The following ZNF549 variants were observed in gnomAD, a reference collection of about 807,000 sequenced individuals.
ZNF549 encodes zinc finger protein 549.
A neutral mutation model predicts 11.1 loss-of-function variants in ZNF549; 11 were observed. The ratio of observed to expected loss-of-function variants is 0.99; its 90% CI spans 0.62 to 1.64. The LOEUF (loss-of-function observed/expected upper bound fraction) is 1.64. Ranked by LOEUF, ZNF549 falls within the 40% of genes most tolerant of loss-of-function variation. The pLI is 0.00. For synonymous variants in ZNF549, 266 were observed against 269.1 expected (o/e 0.99, Z 0.11); for missense variants, 748 against 765.1 (o/e 0.98, Z 0.26).
Position 57,527,488 on chromosome 19 carries a change from C to T in ZNF549, c.-86C>T. ...GGAGCTTGCCTGGTCTCGGTCTGAGCGTCGCCCAGCGATTTGCCACCGCAC... is the reference window on the plus strand; with the variant it reads ...GGAGCTTGCCTGGTCTCGGTCTGAGTGTCGCCCAGCGATTTGCCACCGCAC... On this transcript the variant is annotated 5_prime_UTR_variant, in exon 1 of 4. Transcript: ENST00000376233. 1 of 1,571,764 alleles carries T rather than the reference C, an allele frequency of 6.4e-7. No homozygotes were observed. Among genetic ancestry groups the T allele is most frequent in the Admixed American group, 1.7e-5 (1 of 58,478 alleles).
At position 57,539,094 on chromosome 19, in the gene ZNF549, C is replaced by CT. The variant is rs767208890; in HGVS notation, c.*170dup. The CT allele has an allele frequency of 1.4e-6, 1 of 722,240 alleles. No homozygotes were observed. Among genetic ancestry groups the CT allele is most frequent in the Non-Finnish European group, 2.2e-6 (1 of 451,152 alleles). The allele number at this position is 722,240 out of a possible 1,614,324, so 44.7% of individuals were successfully genotyped here. On this transcript the variant is annotated 3_prime_UTR_variant, in exon 4 of 4. Transcript: ENST00000376233. ...GGAAGCTTTCTAGAGATTACTTGTA[C>CT]TTTCTAATCTGCCCAGTGTTACAAC...
At chr19:57,536,948 T>G (rs754943896) in intron 3 of ZNF549, among the ~76,000 whole-genome samples, 1 of 152,048 alleles carries the variant, frequency 6.6e-6, no homozygotes, top group Non-Finnish European at 1.5e-5. Flanking sequence ...AAAAAAAAAT[T>G]AGCCAGGTAT....
intron 3 of ZNF549, chr19:57,535,536 C>A (rs1257162987): frequency 1.5e-5 from 7 of 462,558 alleles, no homozygotes; most frequent in Non-Finnish European, 2.7e-5. Context: ...CCACTCCTTG[C>A]TAAGGTGACT....
Position 57,531,125 on chromosome 19 carries a change from C to T in ZNF549, c.72+17C>T. 1.3e-6 allele frequency: 2 copies of T among 1,598,172 alleles called. No homozygotes were observed. The highest frequency in any genetic ancestry group is 1.7e-6 in the Non-Finnish European group (2 of 1,179,642). On this transcript the variant is annotated intron_variant, in intron 2 of 3. Coordinates refer to ENST00000376233, the MANE Select transcript of ZNF549 (RefSeq NM_001199295.2). ...CCATCACAGGTAAGTGGAAGAAGTC[C>T]CAGGTCTTCACTGGCCCTGTTCCCT...
In ZNF549 at chr19:57,538,956, T is replaced by C. The variant is rs769048830; in HGVS notation, c.*29T>C. On this transcript the variant is annotated 3_prime_UTR_variant, in exon 4 of 4. Transcript: ENST00000376233. ...TTGTTGGGATGTGTAATTGTCTTAT[T>C]CACTGTAGGACACCAGAGAGCTGAT... 11 of 1,574,494 alleles carry C rather than the reference T, an allele frequency of 7.0e-6. No individual in the cohort carries two copies. The highest frequency in any genetic ancestry group is 8.6e-6 in the Non-Finnish European group (10 of 1,166,402).
In ZNF549 at chr19:57,537,500, A is replaced by T; in HGVS notation, c.496A>T (p.Ser166Cys). The change falls in exon 4 of 4, where the codon AGT becomes TGT. Residue 166 changes from serine (S) to cysteine (C), a missense_variant. Ser to Cys is a moderately radical substitution (Grantham distance 112). Transcript: ENST00000376233. Reference protein sequence around the residue: ...GEKHIRKEESSALLLNSCKIP... With the variant: ...GEKHIRKEESCALLLNSCKIP... Reference sequence around the variant, plus strand: ...GAAACACATCAGAAAGGAGGAGAGCAGTGCCTTGCTTCTGAATAGCTGCAA... The same window carrying T: ...GAAACACATCAGAAAGGAGGAGAGCTGTGCCTTGCTTCTGAATAGCTGCAA... 1 of 1,614,258 alleles carries T rather than the reference A, an allele frequency of 6.2e-7. No individual in the cohort carries two copies. The highest frequency in any genetic ancestry group is 8.5e-7 in the Non-Finnish European group (1 of 1,180,044).
rs796498248 is a variant in ZNF549, at chr19:57,539,533, G to A, written c.*606G>A. The A allele has an allele frequency of 1.3e-5, 2 of 152,332 alleles. 1 individual carries two copies. Among genetic ancestry groups the A allele is most frequent in the African/African-American group, 4.8e-5 (2 of 41,530 alleles). 9.4% of individuals were successfully genotyped at this position (152,332 alleles called of 1,614,324 possible). A position where few individuals can be genotyped will look rare whatever the true frequency, so the allele number is the denominator to read the frequency against. ...CGGAAAATAGTTCTTAGTCCTGTTT[G>A]TCTTAATTTTTATTGGTTTCCAAGG... On this transcript the variant is annotated 3_prime_UTR_variant, in exon 4 of 4. Transcript: ENST00000376233.
intron 3 of ZNF549, 97 bp downstream of exon 3, chr19:57,535,367 CCTT>C (rs771026875): frequency 2.7e-6 from 4 of 1,480,510 alleles, no homozygotes; most frequent in Admixed American, 2.1e-5. Context: ...GGACATGGGC[CCTT>C]CTTCTTTCCT....
In ZNF549 at chr19:57,538,083, C is replaced by A; in HGVS notation, c.1079C>A (p.Pro360His). The change falls in exon 4 of 4, where the codon CCT becomes CAT. Residue 360 changes from proline to histidine, a missense_variant. Coordinates refer to ENST00000376233, the MANE Select transcript of ZNF549 (RefSeq NM_001199295.2). The part of the protein sequence containing the change: ...HQQRIHTGER[P>H]YVCMECGKSF... The stretch of plus-strand genomic sequence containing the variant: ...CAGAGAATCCACACTGGAGAGAGGC[C>A]TTATGTGTGTATGGAATGTGGGAAA... 1 of 1,613,988 alleles carries A rather than the reference C, an allele frequency of 6.2e-7. No individual in the cohort carries two copies. The highest frequency in any genetic ancestry group is 8.5e-7 in the Non-Finnish European group (1 of 1,180,004).
intron 3 of ZNF549, 175 bp downstream of exon 3, chr19:57,535,445 C>T: frequency 1.2e-6 from 1 of 841,918 alleles, no homozygotes; most frequent in East Asian, 2.5e-5. Context: ...TCTGCCCCAA[C>T]ATCTACTGTC....
chr19:57,528,426 A>G (rs967706614), intron 1 of ZNF549, among the ~76,000 whole-genome samples: 1 of 152,218 alleles, frequency 6.6e-6, no homozygotes, highest in African/African-American at 2.4e-5. Flanking sequence ...AGTGATGTGT[A>G]AATGGAGACA....
intron 2 of ZNF549, among the ~76,000 whole-genome samples, chr19:57,532,338 C>T (rs116183275): frequency 0.017 from 2,568 of 152,258 alleles, 73 homozygotes; most frequent in African/African-American, 0.059. Context: ...TTATTATATT[C>T]ATAGGTCCTC....
intron 1 of ZNF549, among the ~76,000 whole-genome samples, chr19:57,528,680 A>G (rs1182629748): frequency 6.6e-6 from 1 of 152,182 alleles, no homozygotes; most frequent in East Asian, 1.9e-4. Context: ...ACCATTCAGA[A>G]GACTTGGCGA....
intron 2 of ZNF549, 114 bp downstream of exon 2, chr19:57,531,222 C>A: frequency 9.1e-7 from 1 of 1,104,524 alleles, no homozygotes; most frequent in South Asian, 1.4e-5. Context: ...CATCTTGGGT[C>A]CCTGGGGCCA....
chr19:57,529,460 A>G (rs886704614), intron 1 of ZNF549, among the ~76,000 whole-genome samples: 1 of 152,258 alleles, frequency 6.6e-6, no homozygotes, highest in Non-Finnish European at 1.5e-5. Flanking sequence ...AGTTGAGACA[A>G]TAAAAAAGCA....
In ZNF549 at chr19:57,537,205, T is replaced by A. The variant is rs144254809; in HGVS notation, c.201T>A (p.Gly67=). ...TCACTTGCATTTTTATGCTTTTAGG[T>A]TGTTTGCATGGAATAGAGGCTGAGG... ...LENFSLMASV[G]CLHGIEAEEA... The change falls in exon 4 of 4, where the codon GGT becomes GGA. Residue 67 remains glycine, a splice_region_variant and synonymous_variant. Coordinates refer to ENST00000376233, the MANE Select transcript of ZNF549 (RefSeq NM_001199295.2). 2,109 of 1,608,390 alleles carry A rather than the reference T, an allele frequency of 1.3e-3. 24 individuals carry two copies. In the African/African-American group the frequency reaches 0.025, roughly 19 times the overall value.
At chr19:57,531,657 C>T (rs1055755442) in intron 2 of ZNF549, among the ~76,000 whole-genome samples, 1 of 152,126 alleles carries the variant, frequency 6.6e-6, no homozygotes, top group Non-Finnish European at 1.5e-5. Context: ...ATAAGCGTTA[C>T]TTGAACACAA....
intron 2 of ZNF549, among the ~76,000 whole-genome samples, chr19:57,531,351 G>T (rs1219036717): frequency 6.6e-6 from 1 of 152,206 alleles, no homozygotes; most frequent in Non-Finnish European, 1.5e-5. Context: ...ATGTCCAAAT[G>T]CTTAGAGATG....
chr19:57,528,419 G>GCC (rs1236884987), intron 1 of ZNF549, among the ~76,000 whole-genome samples: 1 of 152,192 alleles, frequency 6.6e-6, no homozygotes, highest in East Asian at 1.9e-4. Flanking sequence ...CTGACTCAGT[G>GCC]ATGTGTAAAT....
Sources: gnomAD v4.1 joint callset for allele counts (sites outside exome capture counted in the v4.1 genomes callset) on GRCh38, gnomAD v4.1.1 for gene constraint, MANE v1.5 for transcripts, NCBI Gene and HGNC (gene_info 2026-07-23, HGNC 2026-07-21) for gene names.